Variants in SELENOT observed in about 807,000 individuals in gnomAD.
SELENOT encodes thioredoxin reductase-like selenoprotein T.
SELENOT carries 9 observed loss-of-function variants against 24.3 expected under a neutral mutation model. The observed-to-expected ratio is 0.37, with a 90% CI of 0.22 to 0.65. SELENOT has a LOEUF of 0.65. SELENOT is among the 30% of genes least tolerant of loss of function. SELENOT has a pLI of 0.60. For synonymous variants in SELENOT, 81 were observed against 86.0 expected, an observed-to-expected ratio of 0.94 and a Z score of 0.32; for missense variants, 166 against 247.6, an observed-to-expected ratio of 0.67 and a Z score of 2.21.
chr3:150,611,852 C>A, intron 1 of SELENOT: 1 of 946,934 alleles, frequency 1.1e-6, no homozygotes, highest in South Asian at 1.5e-5. Context: ...GCCGCCTCCC[C>A]ACTGCCCAGG....
In SELENOT at chr3:150,603,361, A is replaced by C. The variant is rs760204778; in HGVS notation, c.-2A>C. On this transcript the variant is annotated 5_prime_UTR_variant, in exon 1 of 6. Coordinates refer to ENST00000471696, the MANE Select transcript of SELENOT (RefSeq NM_016275.5). ...GCGGCCGAAGTGGCTGGCTCATTTA[A>C]GATGAGGCTTCTGCTGCTTCTCCTA... is the stretch of plus-strand genomic sequence containing the variant. 1 of 1,610,918 alleles carries C rather than the reference A, an allele frequency of 6.2e-7. No individual in the cohort carries two copies. Among genetic ancestry groups the C allele is most frequent in the Non-Finnish European group, 8.5e-7 (1 of 1,177,904 alleles).
intron 1 of SELENOT, among the ~76,000 whole-genome samples, chr3:150,617,560 T>G (rs1469173304): frequency 6.6e-6 from 1 of 152,174 alleles, no homozygotes; most frequent in African/African-American, 2.4e-5. Flanking sequence ...GGTTGTAGAT[T>G]GATTTCAGGT....
At chr3:150,620,645 T>C (rs1726322706) in intron 1 of SELENOT, among the ~76,000 whole-genome samples, 1 of 152,234 alleles carries the variant, frequency 6.6e-6, no homozygotes, top group South Asian at 2.1e-4. Flanking sequence ...CGTTCATCTA[T>C]AAAATACAAG....
At chr3:150,618,578 G>T (rs1726269561) in intron 1 of SELENOT, 1 of 154,126 alleles carries the variant, frequency 6.5e-6, no homozygotes, top group African/African-American at 2.4e-5. Flanking sequence ...CTGGAATGCA[G>T]TAGTGTGATC....
intron 1 of SELENOT, among the ~76,000 whole-genome samples, chr3:150,608,391 T>C (rs1004792842): frequency 2.0e-5 from 3 of 152,250 alleles, no homozygotes; most frequent in African/African-American, 7.2e-5. Context: ...AAAAAAATAC[T>C]GCCATTTAAA....
intron 1 of SELENOT, among the ~76,000 whole-genome samples, chr3:150,611,004 C>CGTGT (rs113532087): frequency 0.13 from 19,257 of 145,364 alleles, 1,301 homozygotes; most frequent in Non-Finnish European, 0.16. Context: ...CATCATGAGT[C>CGTGT]GTGTGTGTGT....
chr3:150,617,692 G>T (rs1328992676), intron 1 of SELENOT, among the ~76,000 whole-genome samples: 1 of 152,064 alleles, frequency 6.6e-6, no homozygotes, highest in African/African-American at 2.4e-5. Flanking sequence ...TGCTGCAGCT[G>T]TAAGAGAAAT....
chr3:150,618,021 T>C (rs1372735258), intron 1 of SELENOT, among the ~76,000 whole-genome samples: 2 of 152,010 alleles, frequency 1.3e-5, no homozygotes, highest in African/African-American at 4.8e-5. Flanking sequence ...CATGCCCTGC[T>C]AATTTTTATA....
intron 5 of SELENOT, 74 bp downstream of exon 5, chr3:150,627,237 C>A (rs182596650): frequency 9.1e-7 from 1 of 1,094,036 alleles, no homozygotes; most frequent in Non-Finnish European, 1.3e-6. Context: ...GTAAATATTA[C>A]ATATATTATC....
intron 3 of SELENOT, 31 bp downstream of exon 3, chr3:150,623,200 G>T: frequency 1.3e-6 from 2 of 1,533,276 alleles, no homozygotes; most frequent in South Asian, 1.3e-5. Flanking sequence ...GGTAACTGTA[G>T]GTTTTTATGT....
intron 1 of SELENOT, among the ~76,000 whole-genome samples, chr3:150,620,480 G>A (rs1342862595): frequency 1.3e-5 from 2 of 152,176 alleles, no homozygotes; most frequent in Non-Finnish European, 2.9e-5. Context: ...GGACAGGACC[G>A]TATCTGTGTT....
chr3:150,611,768 A>G (rs1726098441), intron 1 of SELENOT: 3 of 1,256,822 alleles, frequency 2.4e-6, no homozygotes, highest in Non-Finnish European at 3.4e-6. Flanking sequence ...AGCCGCTGAG[A>G]CCGCCCCTGC....
intron 1 of SELENOT, among the ~76,000 whole-genome samples, chr3:150,607,468 A>C (rs1243699394): frequency 6.6e-6 from 1 of 152,180 alleles, no homozygotes; most frequent in African/African-American, 2.4e-5. Flanking sequence ...TGGAGCACTT[A>C]CTCTGTGCAG....
chr3:150,611,643 C>T, intron 1 of SELENOT: 2 of 1,585,060 alleles, frequency 1.3e-6, no homozygotes, highest in Admixed American at 3.3e-5. Flanking sequence ...CTGGGATATG[C>T]TCTTCTGGAT....
intron 1 of SELENOT, among the ~76,000 whole-genome samples, chr3:150,622,069 T>C (rs1470832480): frequency 2.0e-5 from 3 of 151,848 alleles, no homozygotes; most frequent in African/African-American, 7.2e-5. Flanking sequence ...TGAATAGGTA[T>C]TTGCTGTTGT....
At chr3:150,621,614 CTTTTTTTTTT>C (rs35489270) in intron 1 of SELENOT, among the ~76,000 whole-genome samples, 1 of 80,578 alleles carries the variant, frequency 1.2e-5, no homozygotes, top group South Asian at 5.3e-4. Context: ...GGCATATTTC[CTTTTTTTTTT>C]TTTTTTTTTT....
intron 1 of SELENOT, among the ~76,000 whole-genome samples, chr3:150,605,320 T>C (rs1279315320): frequency 6.6e-6 from 1 of 152,204 alleles, no homozygotes; most frequent in Non-Finnish European, 1.5e-5. Flanking sequence ...CCCTTTTACG[T>C]TTGCTTTTTT....
At chr3:150,621,061 A>G (rs1255932940) in intron 1 of SELENOT, among the ~76,000 whole-genome samples, 1 of 152,206 alleles carries the variant, frequency 6.6e-6, no homozygotes, top group Non-Finnish European at 1.5e-5. Flanking sequence ...GCATGTAGTG[A>G]GAAAGAATAA....
intron 3 of SELENOT, among the ~76,000 whole-genome samples, chr3:150,623,720 C>T (rs1726386555): frequency 6.6e-6 from 1 of 151,962 alleles, no homozygotes; most frequent in Non-Finnish European, 1.5e-5. Context: ...TTTGTAGGGT[C>T]TTATTGCCAC....
Sources: allele counts gnomAD v4.1 joint callset (sites outside exome capture counted in the v4.1 genomes callset), GRCh38; gene constraint gnomAD v4.1.1; transcripts MANE v1.5; gene names NCBI Gene and HGNC (gene_info 2026-07-23, HGNC 2026-07-21).